The following DPP10 variants were observed in gnomAD, a reference collection of about 807,000 sequenced individuals.
DPP10 encodes the protein dipeptidyl peptidase like 10.
DPP10 carries 33 observed loss-of-function variants against 120.9 expected under a neutral mutation model. The observed-to-expected ratio is 0.27, with a 90% CI of 0.21 to 0.37. The LOEUF is 0.37. Among genes scored for constraint, DPP10 ranks in the 10% least tolerant of loss-of-function variants. The pLI is 1.00. For synonymous variants in DPP10, 337 were observed against 326.1 expected, an observed-to-expected ratio of 1.03 and a Z score of -0.36; for missense variants, 816 against 942.8, an observed-to-expected ratio of 0.87 and a Z score of 1.76.
intron 1 of DPP10, among the ~76,000 whole-genome samples, chr2:114,881,121 G>A (rs1042722975): frequency 5.9e-5 from 9 of 152,080 alleles, no homozygotes; most frequent in African/African-American, 2.2e-4. Context: ...ACATAAACAT[G>A]AAGATCTAGG....
chr2:115,694,971 G>T (rs2091507874), intron 7 of DPP10, among the ~76,000 whole-genome samples: 1 of 152,160 alleles, frequency 6.6e-6, no homozygotes, highest in Non-Finnish European at 1.5e-5. Context: ...TGAAATTGCA[G>T]ATATAGAGGA....
intron 4 of DPP10, among the ~76,000 whole-genome samples, chr2:115,518,504 GT>G (rs906572863): frequency 1.5e-4 from 23 of 151,890 alleles, no homozygotes; most frequent in African/African-American, 4.8e-4. Flanking sequence ...GGTAAAAAAA[GT>G]TTTTTTACTT....
intron 5 of DPP10, among the ~76,000 whole-genome samples, chr2:115,629,312 A>G (rs896047273): frequency 2.6e-5 from 4 of 152,154 alleles, no homozygotes; most frequent in East Asian, 1.9e-4. Context: ...ATGATTTATA[A>G]TCCTTTGGAT....
chr2:114,562,226 A>G (rs531363306), intron 1 of DPP10, among the ~76,000 whole-genome samples: 3 of 152,342 alleles, frequency 2.0e-5, no homozygotes, highest in East Asian at 3.9e-4. Context: ...TACCTTTTCT[A>G]TTTTGAGAGA....
At chr2:115,017,388 C>G (rs1282274629) in intron 1 of DPP10, among the ~76,000 whole-genome samples, 2 of 152,030 alleles carry the variant, frequency 1.3e-5, no homozygotes, top group Admixed American at 6.6e-5. Flanking sequence ...AATAGGAACA[C>G]TTTTACACTG....
intron 3 of DPP10, among the ~76,000 whole-genome samples, chr2:115,457,670 C>T (rs892373751): frequency 3.1e-4 from 11 of 35,274 alleles, no homozygotes; most frequent in Non-Finnish European, 2.0e-3. Flanking sequence ...ATAATCAAAA[C>T]GGCAACATTG....
At chr2:115,585,685 T>G (rs1436087050) in intron 5 of DPP10, among the ~76,000 whole-genome samples, 2 of 152,198 alleles carry the variant, frequency 1.3e-5, no homozygotes, top group East Asian at 3.9e-4. Context: ...CCCTACCATT[T>G]CCATTTTCTC....
intron 9 of DPP10, among the ~76,000 whole-genome samples, chr2:115,744,021 T>C (rs1165162384): frequency 2.0e-5 from 3 of 150,658 alleles, no homozygotes; most frequent in Non-Finnish European, 4.4e-5. Context: ...AGCTGTTACA[T>C]AGATAGATGC....
rs573618732 is a variant in DPP10 at position 115,424,106 on chromosome 2, A to G, written c.272-75404A>G. ...TCCAACCTGGTCAGAACCATAGCTA[A>G]TCAAGTAATAAGACATTATGACAAG... is the stretch of plus-strand genomic sequence containing the variant. On this transcript the variant is annotated intron_variant, in intron 3 of 25. Coordinates refer to ENST00000410059, the MANE Select transcript of DPP10 (RefSeq NM_020868.6). Among the ~76,000 whole-genome samples the G allele has an allele frequency of 7.2e-5, 11 of 152,274 alleles. No individual in the cohort carries two copies. The South Asian group carries it at 2.3e-3, about 32-fold the overall frequency.
chr2:115,552,025 A>G (rs924038006), intron 5 of DPP10, among the ~76,000 whole-genome samples: 7 of 152,100 alleles, frequency 4.6e-5, no homozygotes, highest in Non-Finnish European at 8.8e-5. Flanking sequence ...GTTGGCTACC[A>G]TAGTTCCAGG....
At chr2:115,688,171 T>C (rs2091111339) in intron 5 of DPP10, among the ~76,000 whole-genome samples, 1 of 152,146 alleles carries the variant, frequency 6.6e-6, no homozygotes, top group African/African-American at 2.4e-5. Flanking sequence ...AATGTCAAAG[T>C]AGACACCAGG....
In DPP10 at chr2:115,229,779, T is replaced by C. The variant is rs140132492; in HGVS notation, c.61-79460T>C. Among the ~76,000 whole-genome samples, 715 of 151,916 alleles carry C rather than the reference T, an allele frequency of 4.7e-3. 5 individuals are homozygous for C. Among genetic ancestry groups the C allele is most frequent in the African/African-American group, 0.016 (652 of 41,496 alleles). On this transcript the variant is annotated intron_variant, in intron 1 of 25. Transcript: ENST00000410059. ...TGGTCTATGTTTCTTTTTATGCCAG[T>C]AGCATGTTGTTTGTTCACTATAGCT...
Position 115,380,680 on chromosome 2 carries a change from G to A in DPP10, c.271+36768G>A, listed in dbSNP as rs1451686357. The stretch of plus-strand genomic sequence containing the variant: ...CTTTACATTTTGGCATGATTTTGCA[G>A]TGGCTGGTACCAGTTGTTCCTTTCC... On this transcript the variant is annotated intron_variant, in intron 3 of 25. Coordinates refer to ENST00000410059, the MANE Select transcript of DPP10 (RefSeq NM_020868.6). Among the ~76,000 whole-genome samples, 4 of 152,272 alleles carry A rather than the reference G, an allele frequency of 2.6e-5. No individual in the cohort carries two copies. In the East Asian group the frequency reaches 7.7e-4, roughly 29 times the overall value.
intron 3 of DPP10, among the ~76,000 whole-genome samples, chr2:115,375,095 CA>C (rs2065689140): frequency 5.3e-5 from 8 of 152,174 alleles, no homozygotes; most frequent in Admixed American, 4.6e-4. Context: ...ATGGTCAGGT[CA>C]CAAATTTCCC....
chr2:115,183,449 T>G (rs570917289), intron 1 of DPP10, among the ~76,000 whole-genome samples: 3 of 152,176 alleles, frequency 2.0e-5, no homozygotes, highest in Non-Finnish European at 2.9e-5. Flanking sequence ...ATTACCTGTT[T>G]ACTGGTGTCT....
At chr2:114,442,976 A>G (rs375384474) in intron 1 of DPP10, 138 bp downstream of exon 1, 2 of 1,075,942 alleles carry the variant, frequency 1.9e-6, no homozygotes, top group East Asian at 2.6e-5. Flanking sequence ...GAGTCACAAT[A>G]AAGCATTTGG....
chr2:114,740,204 G>A (rs554212277), intron 1 of DPP10, among the ~76,000 whole-genome samples: 1 of 151,784 alleles, frequency 6.6e-6, no homozygotes, highest in South Asian at 2.1e-4. Context: ...CATGTCCTTT[G>A]TAGGGACATG....
intron 5 of DPP10, among the ~76,000 whole-genome samples, chr2:115,609,922 T>G (rs1462120580): frequency 6.6e-6 from 1 of 152,194 alleles, no homozygotes; most frequent in African/African-American, 2.4e-5. Flanking sequence ...AATCAGAAAT[T>G]AATACAGAAT....
rs1166968808 is a variant in DPP10, at chr2:115,736,047, AG to A, written c.698-3691del. Among the ~76,000 whole-genome samples, 3 of 152,072 alleles carry A rather than the reference AG, an allele frequency of 2.0e-5. No homozygotes were observed. The East Asian group carries it at 5.8e-4, about 29-fold the overall frequency. ...CTTTTTTTGGGGGAGTTGCATAATGAGCCCACAATGGTGGGGAGAAAATTTC... is the reference window on the plus strand; with the variant it reads ...CTTTTTTTGGGGGAGTTGCATAATGACCCACAATGGTGGGGAGAAAATTTC... On this transcript the variant is annotated intron_variant, in intron 8 of 25. Coordinates refer to ENST00000410059, the MANE Select transcript of DPP10 (RefSeq NM_020868.6).
Sources: allele counts gnomAD v4.1 joint callset (sites outside exome capture counted in the v4.1 genomes callset), GRCh38; gene constraint gnomAD v4.1.1; transcripts MANE v1.5; gene names NCBI Gene and HGNC (gene_info 2026-07-23, HGNC 2026-07-21).